Variants in INSL6 observed in about 807,000 individuals in gnomAD.
The protein encoded by INSL6 is insulin like 6.
Under a neutral mutation model 9.4 loss-of-function variants are expected in INSL6, and 16 were observed. The ratio of observed to expected loss-of-function variants is 1.70; its 90% CI spans 1.15 to 2.59. The LOEUF (loss-of-function observed/expected upper bound fraction) is 2.59. Among genes scored for constraint, INSL6 ranks in the 30% most tolerant of loss-of-function variants. The pLI is 0.00. For synonymous variants in INSL6, 154 were observed against 96.9 expected (o/e 1.59, Z -3.46); for missense variants, 391 against 257.3 (o/e 1.52, Z -3.56).
At chr9:5,154,408 C>A (rs977450879) in intron 2 of INSL6, among the ~76,000 whole-genome samples, 1 of 152,136 alleles carries the variant, frequency 6.6e-6, no homozygotes, top group Non-Finnish European at 1.5e-5. Context: ...AGGACATAGG[C>A]ATGGGCAAGG....
At chr9:5,013,764 G>C in the INSL6 span, among the ~76,000 whole-genome samples, 4 of 151,912 alleles carry the variant, frequency 2.6e-5, no homozygotes, top group African/African-American at 7.3e-5. Flanking sequence ...TTGTCATTTT[G>C]TAGCACTTAA....
chr9:5,084,352 T>A, the INSL6 span, among the ~76,000 whole-genome samples: 2 of 152,170 alleles, frequency 1.3e-5, no homozygotes, highest in Admixed American at 1.3e-4. Flanking sequence ...TGTACTGCCT[T>A]ACTGAAACAA....
At chr9:5,126,627 C>A in intron 3 of INSL6, 1 of 1,219,866 alleles carries the variant, frequency 8.2e-7, no homozygotes, top group Non-Finnish European at 1.2e-6. Context: ...TGTCTTCCAC[C>A]AATTAAAAGA....
the INSL6 span, among the ~76,000 whole-genome samples, chr9:5,010,620 G>T: frequency 2.0e-5 from 3 of 152,148 alleles, no homozygotes; most frequent in African/African-American, 7.2e-5. Context: ...ACGCCTGGCT[G>T]TCAGTTGCCT....
At chr9:5,039,272 A>G in the INSL6 span, among the ~76,000 whole-genome samples, 1 of 152,142 alleles carries the variant, frequency 6.6e-6, no homozygotes, top group Admixed American at 6.5e-5. Context: ...CCAACTGCAG[A>G]TTGAAAATAC....
chr9:5,028,072 T>A, the INSL6 span, among the ~76,000 whole-genome samples: 1 of 152,252 alleles, frequency 6.6e-6, no homozygotes, highest in Non-Finnish European at 1.5e-5. Flanking sequence ...TAAGTTTTTT[T>A]ATTTACTTTG....
At chr9:5,169,171 C>T (rs12683287) in intron 1 of INSL6, among the ~76,000 whole-genome samples, 1 of 152,212 alleles carries the variant, frequency 6.6e-6, no homozygotes, top group East Asian at 1.9e-4. Flanking sequence ...GGTGATCCAC[C>T]TGCCTTGGCC....
intron 2 of INSL6, among the ~76,000 whole-genome samples, chr9:5,150,851 AC>A: frequency 1.1e-5 from 1 of 90,714 alleles, no homozygotes; most frequent in African/African-American, 3.0e-5. Flanking sequence ...AAGGAGACAC[AC>A]ACACACACAC....
chr9:4,999,793 C>G, the INSL6 span, among the ~76,000 whole-genome samples: 2 of 152,164 alleles, frequency 1.3e-5, no homozygotes, highest in Admixed American at 6.5e-5. Context: ...GGCTAAGTTG[C>G]CACAATTTAT....
chr9:5,127,477 A>G (rs1240258333), intron 3 of INSL6: 2 of 231,386 alleles, frequency 8.6e-6, no homozygotes, highest in Non-Finnish European at 1.7e-5. Flanking sequence ...ACCCTAAATA[A>G]TACATTTTGA....
rs149052136 is a variant in INSL6 at position 5,133,008 on chromosome 9, G to A, written c.*10+417C>T. ...AGAGGAAGGGTATGTTGGACCTGGG[G>A]TAGTGAGAGTTGGAATTTCATATAT... On this transcript the variant is annotated intron_variant, in intron 3 of 3. Transcript: ENST00000649639. 5.8e-3 allele frequency among the ~76,000 whole-genome samples: 877 copies of A among 152,256 alleles called. 9 individuals are homozygous for A. The highest frequency in any genetic ancestry group is 0.02 in the African/African-American group (839 of 41,530).
chr9:5,046,429 T>G, the INSL6 span, among the ~76,000 whole-genome samples: 1 of 152,222 alleles, frequency 6.6e-6, no homozygotes, highest in African/African-American at 2.4e-5. Context: ...AATTTATCTA[T>G]TTTTTGTTTC....
chr9:5,174,286 G>C (rs1564054469), intron 1 of INSL6, among the ~76,000 whole-genome samples: 2 of 152,132 alleles, frequency 1.3e-5, no homozygotes, highest in South Asian at 4.1e-4. Flanking sequence ...CTCCTTGATA[G>C]AGTTTTCTAT....
chr9:5,075,959 T>A, the INSL6 span, among the ~76,000 whole-genome samples: 1 of 152,132 alleles, frequency 6.6e-6, no homozygotes. Context: ...TGGAAAAAGT[T>A]CATTCTAACC....
chr9:5,120,308 C>G (rs1823518243), downstream of INSL6, among the ~76,000 whole-genome samples: 1 of 152,232 alleles, frequency 6.6e-6, no homozygotes, highest in African/African-American at 2.4e-5. Context: ...AAGGCCCCAC[C>G]TGTTAATACC....
chr9:5,113,494 G>C, the INSL6 span: 2 of 149,216 alleles, frequency 1.3e-5, no homozygotes, highest in African/African-American at 2.5e-5. Flanking sequence ...GCCTAGAGTA[G>C]ACTTCAGAGG....
chr9:5,178,874 A>G (rs943349658), intron 1 of INSL6, among the ~76,000 whole-genome samples: 1 of 152,234 alleles, frequency 6.6e-6, no homozygotes, highest in African/African-American at 2.4e-5. Flanking sequence ...AAGATGGATT[A>G]AAGACTTATG....
At chr9:5,102,239 C>T in the INSL6 span, among the ~76,000 whole-genome samples, 2 of 152,092 alleles carry the variant, frequency 1.3e-5, no homozygotes, top group South Asian at 2.1e-4. Context: ...AACTACAGGA[C>T]GCATGCACAA....
downstream of INSL6, among the ~76,000 whole-genome samples, chr9:5,160,644 G>A (rs564496557): frequency 5.3e-5 from 8 of 152,104 alleles, no homozygotes; most frequent in East Asian, 1.2e-3. Flanking sequence ...AAAGATCAAC[G>A]AAACACAAAG....
Sources: gnomAD v4.1 joint callset for allele counts (sites outside exome capture counted in the v4.1 genomes callset) on GRCh38, gnomAD v4.1.1 for gene constraint, MANE v1.5 for transcripts, NCBI Gene and HGNC (gene_info 2026-07-23, HGNC 2026-07-21) for gene names.